Variants in PRMT8 observed in about 807,000 individuals in gnomAD.
The protein encoded by PRMT8 is protein arginine N-methyltransferase 8.
A neutral mutation model predicts 47.1 loss-of-function variants in PRMT8; 7 were observed. The ratio of observed to expected loss-of-function variants is 0.15; its 90% CI spans 0.08 to 0.28. The LOEUF (loss-of-function observed/expected upper bound fraction) is 0.28. Ranked by LOEUF, PRMT8 falls within the 10% of genes least tolerant of loss-of-function variation. The pLI is 1.00. For synonymous variants in PRMT8, 188 were observed against 186.5 expected (o/e 1.01, Z -0.07); for missense variants, 237 against 505.4 (o/e 0.47, Z 5.09).
At chr12:3,449,581 G>A (rs1864896755) in intron 1 of PRMT8, among the ~76,000 whole-genome samples, 1 of 152,034 alleles carries the variant, frequency 6.6e-6, no homozygotes, top group Non-Finnish European at 1.5e-5. Context: ...TTTTAATGGG[G>A]TTGTTTTTTT....
intron 1 of PRMT8, among the ~76,000 whole-genome samples, chr12:3,481,424 G>T (rs1261519652): frequency 6.6e-6 from 1 of 152,210 alleles, no homozygotes; most frequent in Non-Finnish European, 1.5e-5. Context: ...CCTTACAGAG[G>T]AATGGAAGAG....
At chr12:3,553,548 C>A in intron 3 of PRMT8, 103 bp from the exon 4 acceptor site, 1 of 1,006,090 alleles carries the variant, frequency 9.9e-7, no homozygotes, top group South Asian at 1.3e-5. Flanking sequence ...GTGGGCAAGT[C>A]ACCACCCCTG....
chr12:3,416,212 C>G (rs1268228525), intron 1 of PRMT8, among the ~76,000 whole-genome samples: 1 of 152,212 alleles, frequency 6.6e-6, no homozygotes, highest in African/African-American at 2.4e-5. Flanking sequence ...TGAGTTATGA[C>G]CTTACTGCCC....
intron 4 of PRMT8, among the ~76,000 whole-genome samples, chr12:3,565,264 T>C (rs529290265): frequency 6.6e-6 from 1 of 152,250 alleles, no homozygotes; most frequent in Non-Finnish European, 1.5e-5. Context: ...CTCCCTTCTT[T>C]TTTTTTTTCC....
At position 3,583,314 on chromosome 12, in the gene PRMT8, T is replaced by C; in HGVS notation, c.979+106T>C. On this transcript the variant is annotated intron_variant, in intron 8 of 9. Coordinates refer to ENST00000382622, the MANE Select transcript of PRMT8 (RefSeq NM_019854.5). The surrounding 1 kb of genome is among the most constrained non-coding windows in gnomAD (Gnocchi z 4.7). Reference sequence around the variant, plus strand: ...TGACTTGGGGAGAAGGGGCTGGGTGTTAGCTGGGTGACACCTATCAACCCT... The same window carrying C: ...TGACTTGGGGAGAAGGGGCTGGGTGCTAGCTGGGTGACACCTATCAACCCT... 1 of 1,300,214 alleles carries C rather than the reference T, an allele frequency of 7.7e-7. No individual in the cohort carries two copies. Among genetic ancestry groups the C allele is most frequent in the Admixed American group, 2.5e-5 (1 of 40,238 alleles). The allele number at this position is 1,300,214 out of a possible 1,614,324, so 80.5% of individuals were successfully genotyped here. A position where few individuals can be genotyped will look rare whatever the true frequency, so the allele number is the denominator to read the frequency against.
At chr12:3,459,125 A>G (rs1865009156) in intron 1 of PRMT8, among the ~76,000 whole-genome samples, 2 of 152,102 alleles carry the variant, frequency 1.3e-5, no homozygotes, top group Non-Finnish European at 2.9e-5. Flanking sequence ...ACTCTTCTGG[A>G]TTTAACCTAA....
At chr12:3,515,943 C>T (rs544540001) in intron 1 of PRMT8, among the ~76,000 whole-genome samples, 3 of 152,212 alleles carry the variant, frequency 2.0e-5, no homozygotes, top group African/African-American at 7.2e-5. Context: ...CTGCTCTTCT[C>T]CCTGATGAAT....
At position 3,576,198 on chromosome 12, in the gene PRMT8, T is replaced by G. The variant is rs1356413794; in HGVS notation, c.713-673T>G. On this transcript the variant is annotated intron_variant, in intron 6 of 9. Transcript: ENST00000382622. The surrounding 1 kb of genome is among the most constrained non-coding windows in gnomAD (Gnocchi z 4.0). ...TGCTCCACTTGGGGGTAGTTCCTAA[T>G]GGGGTGGATCCTTAGTGAGTGCATC... is the stretch of plus-strand genomic sequence containing the variant. Among the ~76,000 whole-genome samples the G allele has an allele frequency of 6.6e-6, 1 of 152,134 alleles. No homozygotes were observed. Among genetic ancestry groups the G allele is most frequent in the African/African-American group, 2.4e-5 (1 of 41,436 alleles).
At chr12:3,554,345 G>A (rs1341997238) in intron 4 of PRMT8, among the ~76,000 whole-genome samples, 1 of 152,222 alleles carries the variant, frequency 6.6e-6, no homozygotes, top group South Asian at 2.1e-4. Context: ...CTGATCAGGA[G>A]ACGTCCTTGG....
At chr12:3,423,249 C>T (rs115652763) in intron 1 of PRMT8, among the ~76,000 whole-genome samples, 2,847 of 152,320 alleles carry the variant, frequency 0.019, 91 homozygotes, top group African/African-American at 0.065. Flanking sequence ...CCACAGACCC[C>T]TCCTTCAGCT....
intron 1 of PRMT8, among the ~76,000 whole-genome samples, chr12:3,434,049 G>A (rs746884196): frequency 6.6e-6 from 1 of 152,168 alleles, no homozygotes; most frequent in Non-Finnish European, 1.5e-5. Context: ...CCCCATAGGC[G>A]GGAGCAGGAA....
chr12:3,530,256 A>G (rs1340338197), intron 1 of PRMT8, among the ~76,000 whole-genome samples: 2 of 152,196 alleles, frequency 1.3e-5, no homozygotes, highest in Admixed American at 6.5e-5. Flanking sequence ...TCACTCGACT[A>G]TAATAATAAA....
intron 1 of PRMT8, among the ~76,000 whole-genome samples, chr12:3,419,951 T>G (rs1282523121): frequency 6.1e-4 from 32 of 52,428 alleles, no homozygotes; most frequent in Admixed American, 1.4e-3. Flanking sequence ...AATGGGGGGG[T>G]GGTTTGAGGG....
upstream of PRMT8, among the ~76,000 whole-genome samples, chr12:3,488,667 T>A (rs1280224935): frequency 6.6e-6 from 1 of 152,240 alleles, no homozygotes; most frequent in African/African-American, 2.4e-5. Flanking sequence ...AGATGCCTAG[T>A]AAATTATTTG....
chr12:3,459,410 C>G (rs966485794), intron 1 of PRMT8, among the ~76,000 whole-genome samples: 3 of 152,172 alleles, frequency 2.0e-5, no homozygotes, highest in Non-Finnish European at 2.9e-5. Flanking sequence ...AAGCTCCTGT[C>G]AGGGCATCCC....
chr12:3,468,356 T>C (rs1168607443), intron 1 of PRMT8, among the ~76,000 whole-genome samples: 6 of 152,248 alleles, frequency 3.9e-5, no homozygotes, highest in African/African-American at 1.2e-4. Flanking sequence ...AGTTCTGCGA[T>C]GTGCACAGAG....
At chr12:3,470,310 C>T (rs575487341) in intron 1 of PRMT8, among the ~76,000 whole-genome samples, 1 of 152,276 alleles carries the variant, frequency 6.6e-6, no homozygotes, top group Admixed American at 6.5e-5. Context: ...ATGGCAACTG[C>T]AGCAATTGTT....
intron 4 of PRMT8, among the ~76,000 whole-genome samples, chr12:3,555,192 T>C (rs1405786216): frequency 1.3e-5 from 2 of 152,092 alleles, no homozygotes; most frequent in African/African-American, 2.4e-5. Context: ...TTACAGATAA[T>C]AAATAAAGAA....
rs1286189662 is a variant in PRMT8 at position 3,552,778 on chromosome 12, A to G, written c.418-873A>G. 2.1e-6 allele frequency: 1 copy of G among 473,634 alleles called. No homozygotes were observed. The highest frequency in any genetic ancestry group is 2.2e-5 in the Admixed American group (1 of 45,554). The allele number at this position is 473,634 out of a possible 1,614,324, so 29.3% of individuals were successfully genotyped here. A position where few individuals can be genotyped will look rare whatever the true frequency, so the allele number is the denominator to read the frequency against. Reference sequence around the variant, plus strand: ...AGTGCCCCTTTGCGAGTACTTCTCAAGGGAATGGTCCCTGCCCGAGGCCTG... The same window carrying G: ...AGTGCCCCTTTGCGAGTACTTCTCAGGGGAATGGTCCCTGCCCGAGGCCTG... On this transcript the variant is annotated intron_variant, in intron 3 of 9. Transcript: ENST00000382622. This position sits in a 1 kb window ranked among gnomAD's most constrained non-coding sequence, Gnocchi z 4.5.
Sources: allele counts gnomAD v4.1 joint callset (sites outside exome capture counted in the v4.1 genomes callset), GRCh38; gene constraint gnomAD v4.1.1; non-coding constraint Gnocchi (gnomAD v3.1); transcripts MANE v1.5; gene names NCBI Gene and HGNC (gene_info 2026-07-23, HGNC 2026-07-21).